Variants in RPH3AL observed in about 807,000 individuals in gnomAD.
RPH3AL encodes rab effector Noc2.
In RPH3AL, 38 loss-of-function variants were observed where a neutral mutation model predicts 43.1. The ratio of observed to expected loss-of-function variants is 0.88; its 90% CI spans 0.68 to 1.15. The LOEUF is 1.15. Ranked by LOEUF, RPH3AL falls within the 50% of genes most tolerant of loss-of-function variation. The pLI, the probability that RPH3AL is intolerant of heterozygous loss-of-function variation, is 0.00. For missense variants in RPH3AL, 462 were observed against 423.2 expected, an observed-to-expected ratio of 1.09 and a Z score of -0.81; for synonymous variants, 189 against 176.3, an observed-to-expected ratio of 1.07 and a Z score of -0.57.
At chr17:300,566 A>C in intron 5 of RPH3AL, among the ~76,000 whole-genome samples, 1 of 25,764 alleles carries the variant, frequency 3.9e-5, no homozygotes. Context: ...GCTGGCCCAT[A>C]GGCCTGCAGA....
chr17:290,122 C>G lies in RPH3AL; in HGVS notation c.352-8268G>C, dbSNP rs1005399294. Among the ~76,000 whole-genome samples, 6 of 152,216 alleles carry G rather than the reference C, an allele frequency of 3.9e-5. No homozygotes were observed. Among genetic ancestry groups the G allele is most frequent in the African/African-American group, 1.4e-4 (6 of 41,444 alleles). On this transcript the variant is annotated intron_variant, in intron 5 of 9. Transcript: ENST00000331302. This position sits in a 1 kb window ranked among gnomAD's most constrained non-coding sequence, Gnocchi z 4.2. ...ACAGTTGAAAAAGCAAGACAGGCTC[C>G]CTCCCGGAACATGCCGACCTGCCGG...
chr17:337,863 A>G (rs533240395), intron 1 of RPH3AL, among the ~76,000 whole-genome samples: 1 of 152,268 alleles, frequency 6.6e-6, no homozygotes, highest in East Asian at 1.9e-4. Context: ...CTTGGAAAGT[A>G]AATCCTTGGG....
intron 1 of RPH3AL, among the ~76,000 whole-genome samples, chr17:337,452 C>T (rs755664088): frequency 3.9e-5 from 6 of 152,188 alleles, no homozygotes; most frequent in Non-Finnish European, 5.9e-5. Context: ...GGCTCAGCCT[C>T]GCTGGCCTCC....
At chr17:219,427 G>C (rs570861972) in intron 8 of RPH3AL, among the ~76,000 whole-genome samples, 196 bp downstream of exon 8, 66 of 150,968 alleles carry the variant, frequency 4.4e-4, no homozygotes, top group African/African-American at 1.4e-3. Flanking sequence ...TCAATCTCCT[G>C]ACCTCATGAT....
At position 233,132 on chromosome 17, in the gene RPH3AL, G is replaced by C. The variant is rs560975621; in HGVS notation, c.614-13396C>G. On this transcript the variant is annotated intron_variant, in intron 7 of 9. Coordinates refer to ENST00000331302, the MANE Select transcript of RPH3AL (RefSeq NM_006987.4). ...GGATTTCGTTTGACAGCATGTGCCT[G>C]TCTGTGTGGCACGTGTGCGTGTGTG... Among the ~76,000 whole-genome samples the C allele has an allele frequency of 3.2e-4, 49 of 151,456 alleles. 1 individual carries two copies. Among genetic ancestry groups the C allele is most frequent in the South Asian group, 2.9e-3 (14 of 4,772 alleles).
rs139440693 is a variant in RPH3AL at position 333,226 on chromosome 17, G to A, written c.-37+533C>T. 1.8e-3 allele frequency: 2,246 copies of A among 1,270,372 alleles called. 52 individuals are homozygous for A. The African/African-American group carries it at 0.031, about 17-fold the overall frequency. The allele number at this position is 1,270,372 out of a possible 1,614,324, so 78.7% of individuals were successfully genotyped here. On this transcript the variant is annotated intron_variant, in intron 2 of 9. Coordinates refer to ENST00000331302, the MANE Select transcript of RPH3AL (RefSeq NM_006987.4). This position sits in a 1 kb window ranked among gnomAD's most constrained non-coding sequence, Gnocchi z 4.5. ...GCCATTAGAGCTCACCACCCCGGGC[G>A]TTCGTCACTGCAGACATCACTGCAG... is the stretch of plus-strand genomic sequence containing the variant.
intron 6 of RPH3AL, among the ~76,000 whole-genome samples, chr17:259,386 TTC>T (rs1204252757): frequency 6.6e-6 from 1 of 152,204 alleles, no homozygotes; most frequent in Non-Finnish European, 1.5e-5. Context: ...CCCACAGGCC[TTC>T]TCTCTCCTGG....
At chr17:337,030 A>T (rs1477427269) in intron 1 of RPH3AL, among the ~76,000 whole-genome samples, 1 of 152,194 alleles carries the variant, frequency 6.6e-6, no homozygotes, top group African/African-American at 2.4e-5. Flanking sequence ...CGATGCCCAG[A>T]CATGGTGGGT....
rs62053754 is a variant in RPH3AL at position 314,904 on chromosome 17, T to C, written c.351+4516A>G. Among the ~76,000 whole-genome samples, 234 of 80,748 alleles carry C rather than the reference T, an allele frequency of 2.9e-3. 6 individuals are homozygous for C. The highest frequency in any genetic ancestry group is 0.016 in the African/African-American group (191 of 11,840). The allele number at this position is 80,748 out of a possible 152,430, so 53.0% of individuals were successfully genotyped here. On this transcript the variant is annotated intron_variant, in intron 5 of 9. Transcript: ENST00000331302. ...CTGTAGTCTCTGTGCTCCACCTCCA[T>C]TGACCAGTAGTCCCTGTGCCCCACC...
At chr17:278,387 A>AC (rs1332236975) in intron 6 of RPH3AL, among the ~76,000 whole-genome samples, 3 of 152,194 alleles carry the variant, frequency 2.0e-5, no homozygotes, top group African/African-American at 7.2e-5. Flanking sequence ...GTTTATTAGC[A>AC]GCATGAGAAC....
In RPH3AL at chr17:243,036, A is replaced by C. The variant is rs71369974; in HGVS notation, c.613+4075T>G. 1.3e-3 allele frequency among the ~76,000 whole-genome samples: 93 copies of C among 70,406 alleles called. 3 individuals carry two copies. The highest frequency in any genetic ancestry group is 2.5e-3 in the East Asian group (6 of 2,396). 46.2% of individuals were successfully genotyped at this position (70,406 alleles called of 152,430 possible). On this transcript the variant is annotated intron_variant, in intron 7 of 9. Transcript: ENST00000331302. ...TCTATTGAATACCTTCCTCTATTGA[A>C]TACCATCCTCTATTGATTACCCTTC...
chr17:334,872 C>T (rs61033094), intron 1 of RPH3AL, among the ~76,000 whole-genome samples: 4,544 of 62,346 alleles, frequency 0.073, 703 homozygotes, highest in East Asian at 0.28. Context: ...CCATCCACTG[C>T]GGAGGGACAG....
Position 259,872 on chromosome 17 carries a change from A to G in RPH3AL, c.439-12587T>C, listed in dbSNP as rs114845812. ...AAGCTGTTCCCAGGGAATTTTAATT[A>G]CCATGATAACAATTGCTAATCACTG... On this transcript the variant is annotated intron_variant, in intron 6 of 9. Transcript: ENST00000331302. Among the ~76,000 whole-genome samples, 1,189 of 152,350 alleles carry G rather than the reference A, an allele frequency of 7.8e-3. 17 individuals carry two copies. The highest frequency in any genetic ancestry group is 0.027 in the African/African-American group (1,105 of 41,570).
rs939581470 is a variant in RPH3AL at position 245,301 on chromosome 17, A to ATG, written c.613+1808_613+1809dup. 3.3e-5 allele frequency among the ~76,000 whole-genome samples: 4 copies of ATG among 122,496 alleles called. No individual in the cohort carries two copies. Among genetic ancestry groups the ATG allele is most frequent in the Non-Finnish European group, 5.2e-5 (3 of 57,300 alleles). 80.4% of individuals were successfully genotyped at this position (122,496 alleles called of 152,430 possible). A position where few individuals can be genotyped will look rare whatever the true frequency, so the allele number is the denominator to read the frequency against. Reference sequence around the variant, plus strand: ...TGTGTGTACGTGGGTGTGTGTGTGGATGTGTGTGTGGATGTGGATGTCAGT... The same window carrying ATG: ...TGTGTGTACGTGGGTGTGTGTGTGGATGTGTGTGTGTGGATGTGGATGTCAGT... On this transcript the variant is annotated intron_variant, in intron 7 of 9. Coordinates refer to ENST00000331302, the MANE Select transcript of RPH3AL (RefSeq NM_006987.4). The surrounding 1 kb of genome is among the most constrained non-coding windows in gnomAD (Gnocchi z 5.9).
At chr17:331,520 C>T in intron 2 of RPH3AL, 1 of 1,224,144 alleles carries the variant, frequency 8.2e-7, no homozygotes, top group South Asian at 1.4e-5. Flanking sequence ...TCAGAAGGCA[C>T]AGCTGTCCTT....
chr17:233,754 C>G (rs985579119), intron 7 of RPH3AL, among the ~76,000 whole-genome samples: 10 of 152,174 alleles, frequency 6.6e-5, no homozygotes, highest in African/African-American at 2.2e-4. Context: ...AACACTGCAA[C>G]GGTGATGCTG....
In RPH3AL at chr17:253,745, G is replaced by T. The variant is rs370068348; in HGVS notation, c.439-6460C>A. ...TGTCCTTTTCCATCCCTAGGAACGT[G>T]ACTACCCTACGTACTTCCTATGAGG... On this transcript the variant is annotated intron_variant, in intron 6 of 9. Transcript: ENST00000331302. Among the ~76,000 whole-genome samples, 21 of 135,970 alleles carry T rather than the reference G, an allele frequency of 1.5e-4. No homozygotes were observed. The East Asian group carries it at 2.4e-3, about 15-fold the overall frequency. 89.2% of individuals were successfully genotyped at this position (135,970 alleles called of 152,430 possible). A position where few individuals can be genotyped will look rare whatever the true frequency, so the allele number is the denominator to read the frequency against.
At chr17:343,549 C>G (rs915868040) in intron 1 of RPH3AL, among the ~76,000 whole-genome samples, 5 of 152,190 alleles carry the variant, frequency 3.3e-5, no homozygotes, top group African/African-American at 4.8e-5. Flanking sequence ...GCTTGGTGAC[C>G]TTGGGCAACT....
At chr17:340,479 C>CGGG (rs2045086993) in intron 1 of RPH3AL, among the ~76,000 whole-genome samples, 1 of 43,010 alleles carries the variant, frequency 2.3e-5, no homozygotes, top group Non-Finnish European at 4.9e-5. Context: ...CTCACTGCCC[C>CGGG]CCACCCAGGC....
Sources: allele counts gnomAD v4.1 joint callset (sites outside exome capture counted in the v4.1 genomes callset), GRCh38; gene constraint gnomAD v4.1.1; non-coding constraint Gnocchi (gnomAD v3.1); transcripts MANE v1.5; gene names NCBI Gene and HGNC (gene_info 2026-07-23, HGNC 2026-07-21).